Variants in ADAMTS16 observed in about 807,000 individuals in gnomAD.
ADAMTS16 encodes the protein A disintegrin and metalloproteinase with thrombospondin motifs 16.
Under a neutral mutation model 145.8 loss-of-function variants are expected in ADAMTS16, and 94 were observed. That is an observed-to-expected ratio of 0.64 (90% CI 0.55 to 0.77). The LOEUF (loss-of-function observed/expected upper bound fraction) is 0.77, where lower values mean the gene tolerates loss of function less well. Ranked by LOEUF, ADAMTS16 falls within the 30% of genes least tolerant of loss-of-function variation. The pLI is 0.00. For synonymous variants in ADAMTS16, 659 were observed against 604.3 expected (o/e 1.09, Z -1.33); for missense variants, 1,585 against 1,591.5 (o/e 1.00, Z 0.07).
rs1319370332 is a variant in ADAMTS16 at position 5,242,192 on chromosome 5, G to A, written c.2662+1G>A. 6.2e-7 allele frequency: 1 copy of A among 1,613,474 alleles called. No individual in the cohort carries two copies. Among genetic ancestry groups the A allele is most frequent in the African/African-American group, 1.3e-5 (1 of 74,900 alleles). The stretch of plus-strand genomic sequence containing the variant: ...GAGTGCTCCGTGTCCTGCGGAGGGG[G>A]TAGGTGCCTTCCAGTGCTGCTCCTG... On this transcript the variant is annotated splice_donor_variant, in intron 17 of 22. Transcript: ENST00000274181. LOFTEE classifies it high-confidence loss of function.
intron 20 of ADAMTS16, 35 bp from the exon 21 acceptor site, chr5:5,306,465 GATTT>G (rs1463125169): frequency 1.3e-6 from 2 of 1,573,720 alleles, no homozygotes; most frequent in Admixed American, 1.8e-5. Flanking sequence ...CAAAAAAAGA[GATTT>G]TTTTCACTGA....
At chr5:5,143,819 T>G (rs532699169) in intron 2 of ADAMTS16, among the ~76,000 whole-genome samples, 1 of 152,182 alleles carries the variant, frequency 6.6e-6, no homozygotes, top group African/African-American at 2.4e-5. Flanking sequence ...AATGAGTTCA[T>G]GTCATTTGCA....
chr5:5,270,152 TG>T (rs1738409621), intron 18 of ADAMTS16, among the ~76,000 whole-genome samples: 1 of 152,152 alleles, frequency 6.6e-6, no homozygotes, highest in South Asian at 2.1e-4. Flanking sequence ...GAGAACCAAG[TG>T]GATCTCCCCG....
intron 18 of ADAMTS16, among the ~76,000 whole-genome samples, chr5:5,299,256 T>C (rs1739673812): frequency 6.6e-6 from 1 of 152,110 alleles, no homozygotes. Flanking sequence ...CAAAAGACAC[T>C]GAAACTAAAT....
chr5:5,306,923 A>G (rs747692192), intron 21 of ADAMTS16, among the ~76,000 whole-genome samples, 195 bp downstream of exon 21: 1 of 152,186 alleles, frequency 6.6e-6, no homozygotes, highest in African/African-American at 2.4e-5. Context: ...GATGGTCTCC[A>G]AGTGTTGCTG....
chr5:5,211,563 C>T (rs1736271809), intron 10 of ADAMTS16, among the ~76,000 whole-genome samples: 2 of 151,986 alleles, frequency 1.3e-5, no homozygotes, highest in South Asian at 4.1e-4. Context: ...TCACTAAGTT[C>T]TGTCTTGTCT....
chr5:5,240,727 G>A (rs909196679), intron 16 of ADAMTS16, among the ~76,000 whole-genome samples: 2 of 152,138 alleles, frequency 1.3e-5, no homozygotes, highest in African/African-American at 4.8e-5. Context: ...GGCATTCGGG[G>A]TGTGGTTTAG....
chr5:5,234,068 T>C (rs1737019929), intron 12 of ADAMTS16, among the ~76,000 whole-genome samples: 1 of 152,234 alleles, frequency 6.6e-6, no homozygotes, highest in Non-Finnish European at 1.5e-5. Context: ...CCTTTGCCCT[T>C]AAGCTTGTTT....
intron 11 of ADAMTS16, among the ~76,000 whole-genome samples, chr5:5,231,269 T>G (rs139674932): frequency 6.6e-6 from 1 of 152,206 alleles, no homozygotes; most frequent in African/African-American, 2.4e-5. Flanking sequence ...TCTTCAGAAT[T>G]TCTTGTTTTT....
chr5:5,148,483 T>G (rs1340636236), intron 3 of ADAMTS16, among the ~76,000 whole-genome samples: 1 of 152,258 alleles, frequency 6.6e-6, no homozygotes, highest in Non-Finnish European at 1.5e-5. Context: ...ACATAATATC[T>G]TGTATCATTT....
chr5:5,151,156 T>C (rs76226885), intron 3 of ADAMTS16, among the ~76,000 whole-genome samples: 12,072 of 151,992 alleles, frequency 0.079, 773 homozygotes, highest in East Asian at 0.23. Flanking sequence ...TTTAAAAATG[T>C]ACCTTCATTC....
chr5:5,150,607 C>T (rs2086309), intron 3 of ADAMTS16, among the ~76,000 whole-genome samples: 151,800 of 152,344 alleles, frequency 1, 75,650 homozygotes, highest in Middle Eastern at 1. Context: ...TCAGTCATCA[C>T]GTCATACCAC....
intron 17 of ADAMTS16, among the ~76,000 whole-genome samples, chr5:5,251,730 G>C (rs1737627922): frequency 1.3e-5 from 2 of 152,234 alleles, no homozygotes; most frequent in South Asian, 4.1e-4. Flanking sequence ...GATGCTCTCT[G>C]CATCGTAGGA....
At chr5:5,230,233 C>G (rs1277849613) in intron 11 of ADAMTS16, among the ~76,000 whole-genome samples, 4 of 152,084 alleles carry the variant, frequency 2.6e-5, no homozygotes, top group African/African-American at 2.4e-5. Flanking sequence ...AACAGAACGT[C>G]AAGGGAGAGT....
intron 18 of ADAMTS16, among the ~76,000 whole-genome samples, chr5:5,263,830 G>A (rs1252886410): frequency 6.6e-6 from 1 of 152,202 alleles, no homozygotes. Flanking sequence ...ACCAGCGGGG[G>A]CAAAGGGCCA....
intron 18 of ADAMTS16, among the ~76,000 whole-genome samples, chr5:5,272,528 A>T (rs1738524417): frequency 6.7e-6 from 1 of 148,618 alleles, no homozygotes; most frequent in Non-Finnish European, 1.5e-5. Context: ...CGCCTGGCTA[A>T]TTTTTTTTTT....
chr5:5,233,464 T>C (rs1160199591), intron 12 of ADAMTS16, among the ~76,000 whole-genome samples: 2 of 152,212 alleles, frequency 1.3e-5, no homozygotes, highest in Non-Finnish European at 2.9e-5. Flanking sequence ...ATTCATTAGT[T>C]ATTTTTTGCA....
intron 17 of ADAMTS16, among the ~76,000 whole-genome samples, chr5:5,251,052 C>T (rs942559450): frequency 6.6e-6 from 1 of 152,078 alleles, no homozygotes. Context: ...CTGCCCGGGG[C>T]GTCAGCAAGA....
intron 8 of ADAMTS16, among the ~76,000 whole-genome samples, chr5:5,193,171 G>A (rs112466541): frequency 0.16 from 23,855 of 150,620 alleles, 2,050 homozygotes; most frequent in African/African-American, 0.22. Flanking sequence ...GTGCGCGCGC[G>A]CACATATACG....
Sources: gnomAD v4.1 joint callset for allele counts (sites outside exome capture counted in the v4.1 genomes callset) on GRCh38, gnomAD v4.1.1 for gene constraint, MANE v1.5 for transcripts, NCBI Gene and HGNC (gene_info 2026-07-23, HGNC 2026-07-21) for gene names.